CDH11: variants seen among roughly 807,000 people sequenced by gnomAD.
CDH11 encodes the protein cadherin-11.
CDH11 carries 11 observed loss-of-function variants against 67.8 expected under a neutral mutation model. The ratio of observed to expected loss-of-function variants is 0.16; its 90% confidence interval spans 0.10 to 0.27. The LOEUF (loss-of-function observed/expected upper bound fraction) is 0.27, where lower values mean the gene tolerates loss of function less well. Among genes scored for constraint, CDH11 ranks in the 10% least tolerant of loss-of-function variants. The pLI is 1.00. For synonymous variants in CDH11, 419 were observed against 400.0 expected (o/e 1.05, Z -0.57); for missense variants, 847 against 1,031.2 (o/e 0.82, Z 2.45).
intron 11 of CDH11, among the ~76,000 whole-genome samples, chr16:64,952,940 T>G (rs1945915133): frequency 6.6e-6 from 1 of 152,162 alleles, no homozygotes. Context: ...GACCCTCCCC[T>G]GAATACCAAA....
At position 65,070,190 on chromosome 16, in the gene CDH11, G is replaced by A. The variant is rs370783465; in HGVS notation, c.-297-16262C>T. Among the ~76,000 whole-genome samples the A allele has an allele frequency of 4.1e-4, 63 of 152,222 alleles. 1 individual carries two copies. In the East Asian group the frequency reaches 7.7e-3, roughly 19 times the overall value. The stretch of plus-strand genomic sequence containing the variant: ...AATATCTTAGAAAGCTAGAAGCTCC[G>A]TTATTTTATGGGGCAACAAATTCAT... On this transcript the variant is annotated intron_variant, in intron 1 of 12. Coordinates refer to ENST00000268603, the MANE Select transcript of CDH11 (RefSeq NM_001797.4).
In CDH11 at chr16:65,101,668, A is replaced by G. The variant is rs74026259; in HGVS notation, c.-298+20212T>C. ...GTGCTCCTCAGCCAAGATGATGACT[A>G]TCTTCCTCAAGTGTCAAGGCCACTT... On this transcript the variant is annotated intron_variant, in intron 1 of 12. Coordinates refer to ENST00000268603, the MANE Select transcript of CDH11 (RefSeq NM_001797.4). Among the ~76,000 whole-genome samples the G allele has an allele frequency of 9.0e-3, 1,368 of 152,240 alleles. 34 individuals are homozygous for G. The highest frequency in any genetic ancestry group is 0.031 in the African/African-American group (1,295 of 41,534).
intron 8 of CDH11, among the ~76,000 whole-genome samples, chr16:64,979,150 C>A (rs145085195): frequency 3.9e-5 from 6 of 152,252 alleles, no homozygotes; most frequent in African/African-American, 1.4e-4. Flanking sequence ...GGCTAATAAG[C>A]ACATAAAAAG....
intron 7 of CDH11, chr16:64,985,084 G>C (rs1323472453): frequency 1.3e-5 from 2 of 152,130 alleles, no homozygotes; most frequent in Non-Finnish European, 2.9e-5. Context: ...TGCGTGAACA[G>C]ATTGGATTTT....
chr16:65,077,776 CAAA>C (rs2074539390), intron 1 of CDH11, among the ~76,000 whole-genome samples: 1 of 152,164 alleles, frequency 6.6e-6, no homozygotes, highest in South Asian at 2.1e-4. Flanking sequence ...ACATATAAAA[CAAA>C]TTAAACATCC....
At chr16:65,108,261 A>C (rs1010816378) in intron 1 of CDH11, among the ~76,000 whole-genome samples, 3 of 152,170 alleles carry the variant, frequency 2.0e-5, no homozygotes, top group Non-Finnish European at 4.4e-5. Context: ...AATGCTCCCA[A>C]ATGCACTGCT....
intron 12 of CDH11, chr16:64,948,511 G>A: frequency 1.0e-6 from 1 of 993,870 alleles, no homozygotes; most frequent in Non-Finnish European, 1.6e-6. Flanking sequence ...GACATGCAGA[G>A]CCCTTAGGGC....
At chr16:64,964,263 T>G (rs1203412668) in intron 11 of CDH11, among the ~76,000 whole-genome samples, 1 of 152,188 alleles carries the variant, frequency 6.6e-6, no homozygotes, top group Admixed American at 6.5e-5. Flanking sequence ...GCTTATTACA[T>G]CTACCCTATA....
intron 1 of CDH11, among the ~76,000 whole-genome samples, chr16:65,067,667 G>A (rs563529478): frequency 9.2e-5 from 14 of 151,562 alleles, no homozygotes; most frequent in Non-Finnish European, 1.9e-4. Flanking sequence ...CATAGAATTG[G>A]GACCTATGTA....
intron 8 of CDH11, among the ~76,000 whole-genome samples, chr16:64,980,263 G>A (rs932445249): frequency 2.0e-5 from 3 of 151,918 alleles, no homozygotes; most frequent in African/African-American, 2.4e-5. Flanking sequence ...AAAAAAAAAA[G>A]AGAGTGAGAC....
chr16:65,060,255 G>A (rs2074214727), intron 1 of CDH11, among the ~76,000 whole-genome samples: 1 of 151,862 alleles, frequency 6.6e-6, no homozygotes, highest in Admixed American at 6.6e-5. Flanking sequence ...CTCCCACTCA[G>A]CAATGATGAT....
intron 1 of CDH11, among the ~76,000 whole-genome samples, chr16:65,117,867 C>T: frequency 6.6e-6 from 1 of 152,062 alleles, no homozygotes; most frequent in East Asian, 1.9e-4. Context: ...GAGAGCTGAC[C>T]TTGTTTATCC....
chr16:65,011,116 TACACAC>T (rs72092682), intron 2 of CDH11, among the ~76,000 whole-genome samples: 3 of 131,570 alleles, frequency 2.3e-5, no homozygotes, highest in African/African-American at 8.3e-5. Flanking sequence ...TATATATACA[TACACAC>T]ACACACACAC....
intron 7 of CDH11, among the ~76,000 whole-genome samples, chr16:64,984,370 G>A (rs911410596): frequency 6.6e-6 from 1 of 152,228 alleles, no homozygotes; most frequent in Non-Finnish European, 1.5e-5. Context: ...TGAATGAAGA[G>A]TGGGGCTGAT....
At chr16:65,061,855 C>T (rs2074239949) in intron 1 of CDH11, among the ~76,000 whole-genome samples, 1 of 152,136 alleles carries the variant, frequency 6.6e-6, no homozygotes, top group South Asian at 2.1e-4. Context: ...GGCTAAGTAC[C>T]TTTCTACAAC....
intron 8 of CDH11, among the ~76,000 whole-genome samples, chr16:64,974,129 G>GT (rs1404840797): frequency 1.3e-5 from 2 of 152,178 alleles, no homozygotes; most frequent in African/African-American, 4.8e-5. Flanking sequence ...CATTTACTGA[G>GT]TTGTAGTAAG....
intron 2 of CDH11, among the ~76,000 whole-genome samples, chr16:65,045,463 C>T (rs1396516763): frequency 6.6e-6 from 1 of 150,574 alleles, no homozygotes. Flanking sequence ...AGCCCTGCCA[C>T]AAATTTTCTA....
intron 1 of CDH11, among the ~76,000 whole-genome samples, chr16:65,066,871 A>C (rs2074321012): frequency 6.6e-6 from 1 of 152,246 alleles, no homozygotes; most frequent in Non-Finnish European, 1.5e-5. Flanking sequence ...AACCATAAAC[A>C]CAGAGACCTG....
intron 1 of CDH11, among the ~76,000 whole-genome samples, chr16:65,097,025 G>A (rs557246185): frequency 6.3e-4 from 96 of 152,158 alleles, no homozygotes; most frequent in Non-Finnish European, 4.4e-4. Flanking sequence ...TTTGATAAAG[G>A]CATCATTGCA....
Sources: gnomAD v4.1 joint callset for allele counts (sites outside exome capture counted in the v4.1 genomes callset) on GRCh38, gnomAD v4.1.1 for gene constraint, MANE v1.5 for transcripts, NCBI Gene and HGNC (gene_info 2026-07-23, HGNC 2026-07-21) for gene names.